The following ARHGAP39 variants were observed in gnomAD, a reference collection of about 807,000 sequenced individuals.
The protein encoded by ARHGAP39 is rho GTPase-activating protein 39.
Under a neutral mutation model 106.9 loss-of-function variants are expected in ARHGAP39, and 44 were observed. That is an observed-to-expected ratio of 0.41 (90% CI 0.32 to 0.53). The LOEUF is 0.53. ARHGAP39 is among the 20% of genes least tolerant of loss of function. The pLI is 0.21. For synonymous variants in ARHGAP39, 768 were observed against 693.2 expected (o/e 1.11, Z -1.69); for missense variants, 1,496 against 1,577.3 (o/e 0.95, Z 0.87).
chr8:144,591,545 G>T lies in ARHGAP39; in HGVS notation c.81-10268C>A, dbSNP rs767204842. ...GTTCCCTGGGCGCCCCAGCCATGCG[G>T]AACCTCCTGGCTGGTCCACAGGGAG... On this transcript the variant is annotated intron_variant, in intron 2 of 11. Transcript: ENST00000377307. The surrounding 1 kb of genome is among the most constrained non-coding windows in gnomAD (Gnocchi z 5.3). 2.6e-5 allele frequency among the ~76,000 whole-genome samples: 4 copies of T among 152,218 alleles called. No homozygotes were observed. Among genetic ancestry groups the T allele is most frequent in the African/African-American group, 4.8e-5 (2 of 41,460 alleles).
chr8:144,647,390 C>T lies in ARHGAP39; in HGVS notation c.-82+38296G>A, dbSNP rs114321181. Among the ~76,000 whole-genome samples, 560 of 152,310 alleles carry T rather than the reference C, an allele frequency of 3.7e-3. 3 individuals carry two copies. Among genetic ancestry groups the T allele is most frequent in the African/African-American group, 0.013 (538 of 41,566 alleles). On this transcript the variant is annotated intron_variant, in intron 1 of 11. Coordinates refer to ENST00000377307, the MANE Select transcript of ARHGAP39 (RefSeq NM_025251.3). This position sits in a 1 kb window ranked among gnomAD's most constrained non-coding sequence, Gnocchi z 4.8. ...AAGGTGGCATCCCTGTTCTCACCCT[C>T]ACTGTGCAGAGTCCCTGAGACTTCC...
At chr8:144,689,781 T>C (rs551101839), upstream of ARHGAP39, among the ~76,000 whole-genome samples, 1 of 148,242 alleles carries the variant, frequency 6.7e-6, no homozygotes, top group African/African-American at 2.5e-5. Context: ...TTTTTGCTCT[T>C]GTCACCCAGG....
rs1476587172 is a variant in ARHGAP39, at chr8:144,616,557, A to G, written c.-81-10862T>C. Among the ~76,000 whole-genome samples the G allele has an allele frequency of 4.6e-5, 7 of 152,082 alleles. No homozygotes were observed. The East Asian group carries it at 1.3e-3, about 29-fold the overall frequency. On this transcript the variant is annotated intron_variant, in intron 1 of 11. Transcript: ENST00000377307. ...CCTCCAAGCTGAGCCCCCCAAGCCA[A>G]CCTCCAGGGTAAGAGATGAGGCTGA...
chr8:144,530,467 C>T lies in ARHGAP39; in HGVS notation c.3300G>A (p.Val1100=). 1 of 1,610,902 alleles carries T rather than the reference C, an allele frequency of 6.2e-7. No homozygotes were observed. Reference sequence around the variant, plus strand: ...AGCTGGTGTCCAGGTGCTGGATGAGCACCCGCAGGAAGGACATCTCCTTGC... The same window carrying T: ...AGCTGGTGTCCAGGTGCTGGATGAGTACCCGCAGGAAGGACATCTCCTTGC... The part of the protein sequence containing the change: ...NTRKEMSFLR[V]LIQHLDTSFM... Residue 1100 remains valine, a synonymous_variant, in exon 12 of 12, where the codon GTG becomes GTA. Transcript: ENST00000377307.
chr8:144,542,913 C>T (rs1219101288), intron 6 of ARHGAP39, among the ~76,000 whole-genome samples: 2 of 150,844 alleles, frequency 1.3e-5, no homozygotes, highest in African/African-American at 4.9e-5. Context: ...CACTCCTGAA[C>T]TCCAGCCTGG....
chr8:144,672,233 C>T (rs1337555871), intron 1 of ARHGAP39, among the ~76,000 whole-genome samples: 3 of 152,176 alleles, frequency 2.0e-5, no homozygotes, highest in East Asian at 1.9e-4. Flanking sequence ...AGTCAGATTC[C>T]GGGGAAACTT....
chr8:144,601,329 T>A (rs1234013010), intron 2 of ARHGAP39, among the ~76,000 whole-genome samples: 2 of 135,464 alleles, frequency 1.5e-5, no homozygotes, highest in Non-Finnish European at 3.1e-5. Context: ...TGTGGAGGCG[T>A]GTGTGTGCTC....
intron 7 of ARHGAP39, 118 bp from the exon 8 acceptor site, chr8:144,534,320 G>C (rs866267745): frequency 6.4e-6 from 7 of 1,092,716 alleles, no homozygotes; most frequent in Non-Finnish European, 9.6e-6. Flanking sequence ...CCTTGCCCCG[G>C]TCACCCCCTG....
In ARHGAP39 at chr8:144,670,510, G is replaced by C. The variant is rs1213251376; in HGVS notation, c.-82+15176C>G. On this transcript the variant is annotated intron_variant, in intron 1 of 11. Transcript: ENST00000377307. The surrounding 1 kb of genome is among the most constrained non-coding windows in gnomAD (Gnocchi z 4.4). ...TCCTTGATGTGCTCCGGACATAAAA[G>C]CCTGGGCAAGGCTTCAAGAAGACTA... Among the ~76,000 whole-genome samples the C allele has an allele frequency of 6.6e-6, 1 of 152,146 alleles. No individual in the cohort carries two copies. Among genetic ancestry groups the C allele is most frequent in the African/African-American group, 2.4e-5 (1 of 41,410 alleles).
chr8:144,683,875 G>A (rs1278999751), intron 1 of ARHGAP39, among the ~76,000 whole-genome samples: 3 of 152,070 alleles, frequency 2.0e-5, no homozygotes, highest in Admixed American at 6.5e-5. Flanking sequence ...CATGCACCCC[G>A]GAAGCACCAG....
intron 1 of ARHGAP39, among the ~76,000 whole-genome samples, chr8:144,619,583 A>T (rs757119943): frequency 1.5e-5 from 2 of 134,162 alleles, no homozygotes; most frequent in South Asian, 2.4e-4. Context: ...TGTGTGTGAG[A>T]CTGTGTGTCC....
chr8:144,559,591 C>A (rs923268514), intron 3 of ARHGAP39, among the ~76,000 whole-genome samples: 1 of 152,060 alleles, frequency 6.6e-6, no homozygotes, highest in Non-Finnish European at 1.5e-5. Flanking sequence ...GACATGGCTG[C>A]TGAAATACGG....
At chr8:144,539,742 T>C (rs1586879367) in intron 6 of ARHGAP39, among the ~76,000 whole-genome samples, 1 of 152,360 alleles carries the variant, frequency 6.6e-6, no homozygotes, top group South Asian at 2.1e-4. Context: ...GTTTCTAAAC[T>C]TGCTCTCTGT....
rs1430745359 is a variant in ARHGAP39 at position 144,529,757 on chromosome 8, AG to A, written c.*664del. ...AGATTCTGGATTTACAGTTACACGA[AG>A]AAAAAAATACTCTCGCCCCTCCCCC... On this transcript the variant is annotated 3_prime_UTR_variant, in exon 12 of 12. Coordinates refer to ENST00000377307, the MANE Select transcript of ARHGAP39 (RefSeq NM_025251.3). 5 of 152,202 alleles carry A rather than the reference AG, an allele frequency of 3.3e-5. No homozygotes were observed. The highest frequency in any genetic ancestry group is 7.3e-5 in the Non-Finnish European group (5 of 68,074). 9.4% of individuals were successfully genotyped at this position (152,202 alleles called of 1,614,324 possible).
At chr8:144,609,131 T>G (rs978383869) in intron 1 of ARHGAP39, among the ~76,000 whole-genome samples, 2 of 152,232 alleles carry the variant, frequency 1.3e-5, no homozygotes, top group African/African-American at 4.8e-5. Flanking sequence ...CCTCCTAATC[T>G]CAGGGAAAGC....
In ARHGAP39 at chr8:144,548,089, G is replaced by A; in HGVS notation, c.997C>T (p.Gln333Ter). Residue 333 changes from glutamine to a stop codon, truncating the protein, a stop_gained, in exon 5 of 12, where the codon CAA becomes TAA. Transcript: ENST00000377307. LOFTEE classifies it high-confidence loss of function. This position sits in a 1 kb window ranked among gnomAD's most constrained non-coding sequence, Gnocchi z 7.4. ...PIYDEPPMDV[Q>*]FEAGGGYQAG... ...TGGTAGCCCCCGCCAGCCTCGAATTGCACGTCCATGGGGGGCTCATCGTAG... is the reference window on the plus strand; with the variant it reads ...TGGTAGCCCCCGCCAGCCTCGAATTACACGTCCATGGGGGGCTCATCGTAG... The A allele has an allele frequency of 6.3e-7, 1 of 1,593,826 alleles. No homozygotes were observed. Among genetic ancestry groups the A allele is most frequent in the Non-Finnish European group, 8.5e-7 (1 of 1,170,778 alleles).
At chr8:144,584,330 C>T (rs1447943940) in intron 2 of ARHGAP39, 2 of 152,142 alleles carry the variant, frequency 1.3e-5, no homozygotes, top group East Asian at 3.9e-4. Flanking sequence ...GCTTTTCACA[C>T]TGAAGTCATT....
At chr8:144,567,744 TTCTC>T (rs973958064) in intron 3 of ARHGAP39, among the ~76,000 whole-genome samples, 1 of 152,038 alleles carries the variant, frequency 6.6e-6, no homozygotes, top group South Asian at 2.1e-4. Flanking sequence ...CGTAAGTTGT[TTCTC>T]TCTCTCTCTC....
At chr8:144,588,830 G>A (rs1819280637) in intron 2 of ARHGAP39, among the ~76,000 whole-genome samples, 4 of 152,264 alleles carry the variant, frequency 2.6e-5, no homozygotes, top group Admixed American at 2.6e-4. Context: ...AGAGCAGCAC[G>A]CCGCCTCTGT....
Sources: allele counts gnomAD v4.1 joint callset (sites outside exome capture counted in the v4.1 genomes callset), GRCh38; gene constraint gnomAD v4.1.1; non-coding constraint Gnocchi (gnomAD v3.1); transcripts MANE v1.5; gene names NCBI Gene and HGNC (gene_info 2026-07-23, HGNC 2026-07-21).